ZNF649: variants seen among roughly 807,000 people sequenced by gnomAD.
ZNF649 encodes the protein zinc finger protein 649.
A neutral mutation model predicts 14.1 loss-of-function variants in ZNF649; 7 were observed. That is an observed-to-expected ratio of 0.49 (90% CI 0.28 to 0.93). The LOEUF (loss-of-function observed/expected upper bound fraction) is 0.93, where lower values mean the gene tolerates loss of function less well. ZNF649 is among the 40% of genes least tolerant of loss of function. The pLI is 0.10. For missense variants in ZNF649, 544 were observed against 608.1 expected, an observed-to-expected ratio of 0.89 and a Z score of 1.11; for synonymous variants, 227 against 212.3, an observed-to-expected ratio of 1.07 and a Z score of -0.60.
Position 51,890,601 on chromosome 19 carries a change from A to G in ZNF649, c.*17T>C. 6.4e-7 allele frequency: 1 copy of G among 1,567,748 alleles called. No homozygotes were observed. The highest frequency in any genetic ancestry group is 8.7e-7 in the Non-Finnish European group (1 of 1,145,008). ...GCATTCCGCTGGAGGCTATATGATCAAACAGCAAACTGTTTATCATGAATG... is the reference window on the plus strand; with the variant it reads ...GCATTCCGCTGGAGGCTATATGATCGAACAGCAAACTGTTTATCATGAATG... On this transcript the variant is annotated 3_prime_UTR_variant, in exon 5 of 5. Coordinates refer to ENST00000354957, the MANE Select transcript of ZNF649 (RefSeq NM_023074.4).
intron 4 of ZNF649, among the ~76,000 whole-genome samples, chr19:51,895,022 C>A (rs765581934): frequency 6.6e-6 from 1 of 152,112 alleles, no homozygotes; most frequent in Admixed American, 6.5e-5. Context: ...ATCTGTCCTT[C>A]GATGAAGAAA....
At chr19:51,902,801 A>G (rs1404085219) in intron 1 of ZNF649, among the ~76,000 whole-genome samples, 1 of 152,202 alleles carries the variant, frequency 6.6e-6, no homozygotes, top group Non-Finnish European at 1.5e-5. Context: ...TAGGAATGCT[A>G]CGTTTTCTAG....
Position 51,904,490 on chromosome 19 carries a change from G to A in ZNF649, c.-188+424C>T, listed in dbSNP as rs1270784435. ...TTTTACAAGCCTCTGAGCCCCACAT[G>A]CCTGGGCCTCCCCGAAACACTTAAC... is the stretch of plus-strand genomic sequence containing the variant. On this transcript the variant is annotated intron_variant, in intron 1 of 4. Coordinates refer to ENST00000354957, the MANE Select transcript of ZNF649 (RefSeq NM_023074.4). Among the ~76,000 whole-genome samples the A allele has an allele frequency of 4.6e-5, 7 of 152,144 alleles. No homozygotes were observed. In the East Asian group the frequency reaches 1.2e-3, roughly 25 times the overall value.
rs1266302394 is a variant in ZNF649 at position 51,889,485 on chromosome 19, G to T, written c.*1133C>A. ...GAGTCCATTTCCTGGTTTATGCATG[G>T]TCATCTCATTCTGTCTTCACATGGC... On this transcript the variant is annotated 3_prime_UTR_variant, in exon 5 of 5. Coordinates refer to ENST00000354957, the MANE Select transcript of ZNF649 (RefSeq NM_023074.4). 1.3e-5 allele frequency: 2 copies of T among 152,148 alleles called. No homozygotes were observed. The highest frequency in any genetic ancestry group is 2.9e-5 in the Non-Finnish European group (2 of 68,024). 9.4% of individuals were successfully genotyped at this position (152,148 alleles called of 1,614,324 possible).
At chr19:51,896,383 T>G (rs1599887506) in intron 4 of ZNF649, 89 bp downstream of exon 4, 2 of 1,175,166 alleles carry the variant, frequency 1.7e-6, no homozygotes, top group Non-Finnish European at 2.5e-6. Context: ...TCTGTCTCCC[T>G]AGACACTTTC....
chr19:51,894,806 C>A (rs771811677), intron 4 of ZNF649, among the ~76,000 whole-genome samples: 3 of 152,156 alleles, frequency 2.0e-5, no homozygotes, highest in Admixed American at 1.3e-4. Flanking sequence ...TGTATTATGG[C>A]TACAGTTCAT....
intron 4 of ZNF649, among the ~76,000 whole-genome samples, chr19:51,895,404 C>T (rs1472720731): frequency 6.6e-6 from 1 of 151,964 alleles, no homozygotes; most frequent in African/African-American, 2.4e-5. Flanking sequence ...AGTGAAATGG[C>T]GCGATCTCAG....
intron 2 of ZNF649, among the ~76,000 whole-genome samples, chr19:51,899,189 G>A (rs1406834976): frequency 6.6e-6 from 1 of 152,198 alleles, no homozygotes; most frequent in African/African-American, 2.4e-5. Context: ...CAGAGACAGA[G>A]ACCAAATATA....
chr19:51,897,998 T>C (rs957914323), intron 2 of ZNF649, among the ~76,000 whole-genome samples: 5 of 147,306 alleles, frequency 3.4e-5, no homozygotes, highest in African/African-American at 1.3e-4. Context: ...GGCACCTAGA[T>C]GAAGCATGAG....
chr19:51,894,196 G>A (rs950573599), intron 4 of ZNF649, among the ~76,000 whole-genome samples: 3 of 151,540 alleles, frequency 2.0e-5, no homozygotes, highest in Admixed American at 6.6e-5. Flanking sequence ...ACAGTGGCAC[G>A]ATCTTGGCTC....
intron 2 of ZNF649, chr19:51,899,849 C>G: frequency 2.7e-6 from 1 of 374,284 alleles, no homozygotes; most frequent in East Asian, 3.9e-5. Context: ...CAAGCTGACA[C>G]TTAATGTAGC....
At chr19:51,893,412 T>C (rs1376776778) in intron 4 of ZNF649, among the ~76,000 whole-genome samples, 1 of 152,108 alleles carries the variant, frequency 6.6e-6, no homozygotes, top group Non-Finnish European at 1.5e-5. Context: ...TCTTCAGTGA[T>C]GTGTGTTTTT....
chr19:51,890,860 C>T lies in ZNF649; in HGVS notation c.1276G>A (p.Gly426Arg), dbSNP rs1459118850. 1 of 1,614,104 alleles carries T rather than the reference C, an allele frequency of 6.2e-7. No individual in the cohort carries two copies. The highest frequency in any genetic ancestry group is 1.3e-5 in the African/African-American group (1 of 74,948). The change falls in exon 5 of 5, where the codon GGA becomes AGA. Residue 426 changes from glycine (G) to arginine (R), a missense_variant. Transcript: ENST00000354957. ...TCATCACAGCCATAGGGTCTCTCTC[C>T]CGTGTGAGTTCTGTGATGTACAATG... Reference protein sequence around the residue: ...MLIVHHRTHTGERPYGCDECE... With the variant: ...MLIVHHRTHTRERPYGCDECE...
intron 4 of ZNF649, among the ~76,000 whole-genome samples, chr19:51,895,752 A>G (rs2085057871): frequency 6.6e-6 from 1 of 151,562 alleles, no homozygotes; most frequent in South Asian, 2.1e-4. Context: ...ATATAAATAT[A>G]TAAAGTATAT....
At chr19:51,898,422 A>G (rs140503770) in intron 2 of ZNF649, among the ~76,000 whole-genome samples, 43 of 152,256 alleles carry the variant, frequency 2.8e-4, no homozygotes, top group African/African-American at 9.9e-4. Flanking sequence ...AATGTCACAC[A>G]ATTACAGTTT....
In ZNF649 at chr19:51,889,948, A is replaced by C. The variant is rs1336713652; in HGVS notation, c.*670T>G. ...TAAAAAGACAGAGATTGTTAACTGGATAAAAAAGGAAGGCCCAACTGTATG... is the reference window on the plus strand; with the variant it reads ...TAAAAAGACAGAGATTGTTAACTGGCTAAAAAAGGAAGGCCCAACTGTATG... On this transcript the variant is annotated 3_prime_UTR_variant, in exon 5 of 5. Coordinates refer to ENST00000354957, the MANE Select transcript of ZNF649 (RefSeq NM_023074.4). 6.6e-6 allele frequency: 1 copy of C among 152,244 alleles called. No individual in the cohort carries two copies. Among genetic ancestry groups the C allele is most frequent in the Admixed American group, 6.5e-5 (1 of 15,286 alleles). 9.4% of individuals were successfully genotyped at this position (152,244 alleles called of 1,614,324 possible). A position where few individuals can be genotyped will look rare whatever the true frequency, so the allele number is the denominator to read the frequency against.
rs1194677208 is a variant in ZNF649, at chr19:51,900,188, A to C, written c.-81T>G. On this transcript the variant is annotated 5_prime_UTR_variant, in exon 2 of 5. Coordinates refer to ENST00000354957, the MANE Select transcript of ZNF649 (RefSeq NM_023074.4). Reference sequence around the variant, plus strand: ...CTGGATCCTCCCTAAATTTTGGCTAAGAAATCTGAGTCTCCATTTAAGAGT... The same window carrying C: ...CTGGATCCTCCCTAAATTTTGGCTACGAAATCTGAGTCTCCATTTAAGAGT... The C allele has an allele frequency of 8.2e-7, 1 of 1,217,748 alleles. No individual in the cohort carries two copies. Among genetic ancestry groups the C allele is most frequent in the Middle Eastern group, 2.0e-4 (1 of 4,882 alleles). 75.4% of individuals were successfully genotyped at this position (1,217,748 alleles called of 1,614,324 possible).
At chr19:51,892,029 T>C in intron 4 of ZNF649, 132 bp from the exon 5 acceptor site, 8 of 1,103,600 alleles carry the variant, frequency 7.2e-6, no homozygotes, top group Non-Finnish European at 9.9e-6. Flanking sequence ...CAAGTATAAG[T>C]GTTCCCTATC....
rs187044779 is a variant in ZNF649 at position 51,898,293 on chromosome 19, T to C, written c.16-1315A>G. ...CCCACAAGACTGCCCTCACATCATG[T>C]GCCACTCTGGGGTCCCCACGTTATC... On this transcript the variant is annotated intron_variant, in intron 2 of 4. Transcript: ENST00000354957. Among the ~76,000 whole-genome samples, 232 of 151,230 alleles carry C rather than the reference T, an allele frequency of 1.5e-3. 1 individual carries two copies. Among genetic ancestry groups the C allele is most frequent in the Admixed American group, 4.0e-3 (61 of 15,256 alleles).
Sources: gnomAD v4.1 joint callset for allele counts (sites outside exome capture counted in the v4.1 genomes callset) on GRCh38, gnomAD v4.1.1 for gene constraint, MANE v1.5 for transcripts, NCBI Gene and HGNC (gene_info 2026-07-23, HGNC 2026-07-21) for gene names.